The following TMBIM4 variants were observed in gnomAD, a reference collection of about 807,000 sequenced individuals.
The protein encoded by TMBIM4 is protein lifeguard 4.
Under a neutral mutation model 27.7 loss-of-function variants are expected in TMBIM4, and 28 were observed. The observed-to-expected ratio is 1.01, with a 90% confidence interval of 0.75 to 1.38. The LOEUF (loss-of-function observed/expected upper bound fraction) is 1.38. Ranked by LOEUF, TMBIM4 falls within the 40% of genes most tolerant of loss-of-function variation. The pLI, the probability that TMBIM4 is intolerant of heterozygous loss-of-function variation, is 0.00. For missense variants in TMBIM4, 265 were observed against 277.5 expected (o/e 0.95, Z 0.32); for synonymous variants, 115 against 113.1 (o/e 1.02, Z -0.11).
intron 3 of TMBIM4, among the ~76,000 whole-genome samples, chr12:66,148,804 T>C (rs772059109): frequency 2.0e-5 from 3 of 152,180 alleles, no homozygotes; most frequent in Non-Finnish European, 1.5e-5. Context: ...TGAACCCATA[T>C]CCTAAATAAA....
intron 1 of TMBIM4, 127 bp downstream of exon 1, chr12:66,169,728 G>A (rs1355413194): frequency 4.5e-6 from 3 of 660,604 alleles, no homozygotes; most frequent in South Asian, 2.6e-5. Flanking sequence ...GGAGGGCCGG[G>A]AGCTCAGTGA....
chr12:66,167,362 G>A (rs2052149323), intron 1 of TMBIM4, among the ~76,000 whole-genome samples: 2 of 152,150 alleles, frequency 1.3e-5, no homozygotes, highest in South Asian at 4.1e-4. Flanking sequence ...AGCAGAAAGG[G>A]TATATAAGAA....
intron 1 of TMBIM4, among the ~76,000 whole-genome samples, chr12:66,158,499 T>C (rs1392186116): frequency 6.6e-6 from 1 of 151,178 alleles, no homozygotes; most frequent in Non-Finnish European, 1.5e-5. Context: ...ATTAGCTGGG[T>C]GTGGTGGCAT....
At chr12:66,156,287 T>C (rs1264625885) in intron 1 of TMBIM4, among the ~76,000 whole-genome samples, 1 of 152,220 alleles carries the variant, frequency 6.6e-6, no homozygotes, top group African/African-American at 2.4e-5. Context: ...TCTTCATTTA[T>C]CCAAATTTGC....
At chr12:66,154,694 T>C (rs938950270) in intron 1 of TMBIM4, among the ~76,000 whole-genome samples, 2 of 152,174 alleles carry the variant, frequency 1.3e-5, no homozygotes, top group Admixed American at 1.3e-4. Flanking sequence ...ATGTTCCTTT[T>C]GAAAAACATT....
intron 3 of TMBIM4, among the ~76,000 whole-genome samples, chr12:66,148,216 C>T (rs1004489097): frequency 2.6e-5 from 4 of 152,170 alleles, no homozygotes; most frequent in Admixed American, 2.6e-4. Context: ...ATAGAACATT[C>T]TGTTTTTCTT....
chr12:66,149,945 G>T (rs1352324663), intron 3 of TMBIM4, among the ~76,000 whole-genome samples: 1 of 151,950 alleles, frequency 6.6e-6, no homozygotes, highest in African/African-American at 2.4e-5. Flanking sequence ...TTCTTATCTT[G>T]GTGGATCAGG....
intron 1 of TMBIM4, chr12:66,169,192 G>A: frequency 1.5e-6 from 1 of 685,558 alleles, no homozygotes; most frequent in Non-Finnish European, 2.7e-6. Flanking sequence ...AACTAGAGCA[G>A]GCAATGGCTT....
intron 1 of TMBIM4, among the ~76,000 whole-genome samples, chr12:66,158,939 G>C (rs2051991674): frequency 1.3e-5 from 2 of 152,284 alleles, no homozygotes; most frequent in South Asian, 4.1e-4. Flanking sequence ...CACCTAGGGA[G>C]CTACACCCAG....
At chr12:66,162,140 T>C (rs1022670377) in intron 1 of TMBIM4, among the ~76,000 whole-genome samples, 1 of 151,782 alleles carries the variant, frequency 6.6e-6, no homozygotes, top group African/African-American at 2.4e-5. Flanking sequence ...TTTCCATGCC[T>C]CATCACAAAT....
chr12:66,140,506 G>C (rs570883271), intron 5 of TMBIM4, among the ~76,000 whole-genome samples: 1 of 152,260 alleles, frequency 6.6e-6, no homozygotes, highest in African/African-American at 2.4e-5. Context: ...CAGTGAATTA[G>C]GGGACAACAT....
At chr12:66,138,233 T>G (rs2051610678) in intron 6 of TMBIM4, 67 bp from the exon 7 acceptor site, 1 of 1,536,264 alleles carries the variant, frequency 6.5e-7, no homozygotes, top group Non-Finnish European at 8.7e-7. Flanking sequence ...TTAACTTACT[T>G]CCTCTAATGA....
chr12:66,156,430 A>G (rs2051937313), intron 1 of TMBIM4, among the ~76,000 whole-genome samples: 1 of 152,182 alleles, frequency 6.6e-6, no homozygotes, highest in Admixed American at 6.5e-5. Context: ...TGAAAGTACA[A>G]CGTATCTGCC....
chr12:66,158,234 A>AC lies in TMBIM4; in HGVS notation c.98-4787_98-4786insG, dbSNP rs60235126. Among the ~76,000 whole-genome samples, 15 of 151,640 alleles carry AC rather than the reference A, an allele frequency of 9.9e-5. 2 individuals carry two copies. The highest frequency in any genetic ancestry group is 3.4e-4 in the African/African-American group (14 of 41,338). ...GAGTGAGACTCCGTCTCACAAAAAA[A>AC]AAAAAAACAAAAAAATGAAAGGCTT... On this transcript the variant is annotated intron_variant, in intron 1 of 6. Coordinates refer to ENST00000358230, the MANE Select transcript of TMBIM4 (RefSeq NM_016056.4).
At chr12:66,146,970 T>A (rs1402941632) in intron 4 of TMBIM4, among the ~76,000 whole-genome samples, 1 of 152,182 alleles carries the variant, frequency 6.6e-6, no homozygotes, top group Non-Finnish European at 1.5e-5. Context: ...CCAATTCCAA[T>A]AATCCTGAAA....
intron 1 of TMBIM4, among the ~76,000 whole-genome samples, chr12:66,162,487 A>T (rs1318925158): frequency 6.6e-6 from 1 of 152,204 alleles, no homozygotes; most frequent in Non-Finnish European, 1.5e-5. Flanking sequence ...TCACACTGTA[A>T]AAGTGATTAT....
intron 1 of TMBIM4, among the ~76,000 whole-genome samples, chr12:66,157,254 C>CT (rs1360175528): frequency 6.6e-6 from 1 of 151,988 alleles, no homozygotes; most frequent in Non-Finnish European, 1.5e-5. Flanking sequence ...TAAGGGCACC[C>CT]TATGGAAAAA....
intron 4 of TMBIM4, among the ~76,000 whole-genome samples, chr12:66,146,626 A>G (rs1396436184): frequency 6.6e-6 from 1 of 152,230 alleles, no homozygotes; most frequent in Non-Finnish European, 1.5e-5. Context: ...CATCCATTCA[A>G]TTATGGCTAT....
chr12:66,169,010 A>G (rs998604630), intron 1 of TMBIM4: 2 of 275,320 alleles, frequency 7.3e-6, no homozygotes, highest in Non-Finnish European at 1.3e-5. Context: ...AATGCTAGGC[A>G]CCAAGATTCT....
Sources: gnomAD v4.1 joint callset for allele counts (sites outside exome capture counted in the v4.1 genomes callset) on GRCh38, gnomAD v4.1.1 for gene constraint, MANE v1.5 for transcripts, NCBI Gene and HGNC (gene_info 2026-07-23, HGNC 2026-07-21) for gene names.